Variants in FOXO3 observed in about 807,000 individuals in gnomAD.
FOXO3 encodes the protein forkhead box O3.
A neutral mutation model predicts 41.9 loss-of-function variants in FOXO3; 4 were observed. That is an observed-to-expected ratio of 0.10 (90% CI 0.05 to 0.22). The LOEUF (loss-of-function observed/expected upper bound fraction) is 0.22, where lower values mean the gene tolerates loss of function less well. Among genes scored for constraint, FOXO3 ranks in the 10% least tolerant of loss-of-function variants. The pLI is 1.00. For missense variants in FOXO3, 534 were observed against 906.8 expected, an observed-to-expected ratio of 0.59 and a Z score of 5.28; for synonymous variants, 318 against 389.3, an observed-to-expected ratio of 0.82 and a Z score of 2.16.
chr6:108,602,543 G>C (rs1303148144), intron 1 of FOXO3, among the ~76,000 whole-genome samples: 3 of 151,906 alleles, frequency 2.0e-5, no homozygotes, highest in African/African-American at 7.3e-5. Flanking sequence ...ATGGGGTAAA[G>C]AATTACAGGA....
chr6:108,560,205 G>A (rs1014651637), upstream of FOXO3, among the ~76,000 whole-genome samples: 1 of 152,184 alleles, frequency 6.6e-6, no homozygotes, highest in Non-Finnish European at 1.5e-5. Context: ...GAGCAAGGAG[G>A]TGATGAACGT....
intron 2 of FOXO3, among the ~76,000 whole-genome samples, chr6:108,678,997 G>A (rs1194990265): frequency 2.0e-5 from 3 of 146,570 alleles, no homozygotes; most frequent in African/African-American, 5.0e-5. Flanking sequence ...TCAGCCTCCC[G>A]AGTAGCTGGG....
At chr6:108,641,611 T>C (rs796675891) in intron 1 of FOXO3, among the ~76,000 whole-genome samples, 3 of 152,266 alleles carry the variant, frequency 2.0e-5, no homozygotes, top group East Asian at 3.9e-4. Flanking sequence ...ATATTTAAGG[T>C]ATAATTCACC....
chr6:108,567,845 G>A (rs989785061), intron 1 of FOXO3, among the ~76,000 whole-genome samples: 22 of 152,134 alleles, frequency 1.4e-4, no homozygotes, highest in Admixed American at 3.9e-4. Flanking sequence ...TCAGGAGTTC[G>A]AGACCAGCCT....
intron 1 of FOXO3, among the ~76,000 whole-genome samples, chr6:108,597,509 G>C (rs1776917223): frequency 6.6e-6 from 1 of 152,034 alleles, no homozygotes; most frequent in South Asian, 2.1e-4. Context: ...CTGCCTTGTG[G>C]TATTTGTACC....
At chr6:108,591,593 A>G (rs1776734040) in intron 1 of FOXO3, among the ~76,000 whole-genome samples, 1 of 152,224 alleles carries the variant, frequency 6.6e-6, no homozygotes, top group Non-Finnish European at 1.5e-5. Flanking sequence ...CAGCACGTGA[A>G]AATTTGCTTG....
rs146481931 is a variant in FOXO3 at position 108,599,711 on chromosome 6, G to A, written c.621+37882G>A. Reference sequence around the variant, plus strand: ...AAATCTGCCTCACAAACTTAGAAATGCTTCAGAGTAAGTATCTGAGAAGCA... The same window carrying A: ...AAATCTGCCTCACAAACTTAGAAATACTTCAGAGTAAGTATCTGAGAAGCA... On this transcript the variant is annotated intron_variant, in intron 1 of 2. Coordinates refer to ENST00000406360, the MANE Select transcript of FOXO3 (RefSeq NM_001455.4). Among the ~76,000 whole-genome samples the A allele has an allele frequency of 4.8e-3, 727 of 152,262 alleles. 6 individuals are homozygous for A. Among genetic ancestry groups the A allele is most frequent in the African/African-American group, 0.016 (657 of 41,548 alleles).
chr6:108,596,874 C>G (rs1158778612), intron 1 of FOXO3, among the ~76,000 whole-genome samples: 2 of 152,114 alleles, frequency 1.3e-5, no homozygotes, highest in Non-Finnish European at 2.9e-5. Flanking sequence ...AGTTGCAGCT[C>G]AAAGGGATGC....
At chr6:108,607,364 T>A (rs1582771994) in intron 1 of FOXO3, among the ~76,000 whole-genome samples, 1 of 151,080 alleles carries the variant, frequency 6.6e-6, no homozygotes, top group African/African-American at 2.4e-5. Context: ...GCAGGAGAAT[T>A]GCTTGAACCT....
At chr6:108,655,903 T>G (rs1778669945) in intron 1 of FOXO3, among the ~76,000 whole-genome samples, 1 of 152,162 alleles carries the variant, frequency 6.6e-6, no homozygotes, top group Non-Finnish European at 1.5e-5. Flanking sequence ...GAATTGTCAG[T>G]ACCCACAAGT....
intron 1 of FOXO3, among the ~76,000 whole-genome samples, chr6:108,635,130 A>C (rs1778087757): frequency 6.6e-6 from 1 of 151,940 alleles, no homozygotes; most frequent in Admixed American, 6.6e-5. Context: ...GCAAAACCTC[A>C]TCTCTACTAA....
At chr6:108,586,587 TTTCTTTGGGAAGG>T (rs1776584629) in intron 1 of FOXO3, among the ~76,000 whole-genome samples, 1 of 152,120 alleles carries the variant, frequency 6.6e-6, no homozygotes, top group African/African-American at 2.4e-5. Context: ...TATGGATCAG[TTTCTTTGGGAAGG>T]TTCTTGGAGG....
chr6:108,676,376 T>C (rs1397488815), intron 2 of FOXO3, among the ~76,000 whole-genome samples: 2 of 152,202 alleles, frequency 1.3e-5, no homozygotes, highest in Non-Finnish European at 1.5e-5. Context: ...TAAAATTTTA[T>C]TTATTTATTT....
intron 1 of FOXO3, among the ~76,000 whole-genome samples, chr6:108,585,047 T>TTTTTA: frequency 7.4e-6 from 1 of 134,998 alleles, no homozygotes; most frequent in Admixed American, 7.6e-5. Flanking sequence ...TTTTTTTTTT[T>TTTTTA]TTTTTGAGAC....
At chr6:108,668,547 T>G (rs902747949) in intron 2 of FOXO3, among the ~76,000 whole-genome samples, 1 of 152,174 alleles carries the variant, frequency 6.6e-6, no homozygotes, top group Non-Finnish European at 1.5e-5. Flanking sequence ...GGAAACCAGC[T>G]TCAGTCTCAC....
At position 108,561,582 on chromosome 6, in the gene FOXO3, C is replaced by T. The variant is rs1775788039; in HGVS notation, c.374C>T (p.Ala125Val). 6.7e-7 allele frequency: 1 copy of T among 1,489,088 alleles called. No homozygotes were observed. The highest frequency in any genetic ancestry group is 8.9e-7 in the Non-Finnish European group (1 of 1,122,084). 92.2% of individuals were successfully genotyped at this position (1,489,088 alleles called of 1,614,324 possible). A position where few individuals can be genotyped will look rare whatever the true frequency, so the allele number is the denominator to read the frequency against. ...GGCGGGCTGAGCGGGGGTACACAGG[C>T]GCTGCTGCAGCCTCAGCAACCGCTG... The part of the protein sequence containing the change: ...AAGGLSGGTQ[A>V]LLQPQQPLPP... The change falls in exon 1 of 3, where the codon GCG becomes GTG. Residue 125 changes from alanine to valine, a missense_variant. Ala to Val is a moderately conservative substitution (Grantham distance 64, BLOSUM62 0). Transcript: ENST00000406360.
At chr6:108,562,407 C>T (rs1226363253) in intron 1 of FOXO3, among the ~76,000 whole-genome samples, 4 of 152,080 alleles carry the variant, frequency 2.6e-5, no homozygotes. Flanking sequence ...AAACCTTTTC[C>T]TGGACGGCTT....
At chr6:108,620,886 C>G (rs1777647048) in intron 1 of FOXO3, among the ~76,000 whole-genome samples, 1 of 152,192 alleles carries the variant, frequency 6.6e-6, no homozygotes, top group Admixed American at 6.5e-5. Flanking sequence ...TCAATACTCT[C>G]TTTGCCTGTA....
At chr6:108,623,239 C>T (rs1261646724) in intron 1 of FOXO3, among the ~76,000 whole-genome samples, 1 of 152,132 alleles carries the variant, frequency 6.6e-6, no homozygotes. Context: ...TCTCAGGAGC[C>T]TACTCTGATT....
Sources: gnomAD v4.1 joint callset for allele counts (sites outside exome capture counted in the v4.1 genomes callset) on GRCh38, gnomAD v4.1.1 for gene constraint, MANE v1.5 for transcripts, NCBI Gene and HGNC (gene_info 2026-07-23, HGNC 2026-07-21) for gene names.